LY75: variants seen among roughly 807,000 people sequenced by gnomAD.
LY75 encodes C-type lectin domain family 13 member B.
A neutral mutation model predicts 231.7 loss-of-function variants in LY75; 185 were observed. The ratio of observed to expected loss-of-function variants is 0.80; its 90% CI spans 0.71 to 0.90. The LOEUF (loss-of-function observed/expected upper bound fraction) is 0.90, where lower values mean the gene tolerates loss of function less well. Among genes scored for constraint, LY75 ranks in the 40% least tolerant of loss-of-function variants. The pLI, the probability that LY75 is intolerant of heterozygous loss-of-function variation, is 0.00. For synonymous variants in LY75, 668 were observed against 689.0 expected (o/e 0.97, Z 0.48); for missense variants, 1,947 against 2,050.2 (o/e 0.95, Z 0.97).
rs1560072397 is a variant in LY75 at position 159,834,136 on chromosome 2, G to T, written c.3749C>A (p.Pro1250Gln). 6.2e-7 allele frequency: 1 copy of T among 1,613,982 alleles called. No homozygotes were observed. Among genetic ancestry groups the T allele is most frequent in the Non-Finnish European group, 8.5e-7 (1 of 1,179,942 alleles). ...PSPVLNTPWI[P>Q]FQNCCYNFII... ...GAAATTGTAGCAACAGTTCTGAAAT[G>T]GTATCCACGGAGTATTTAGAACAGG... Residue 1250 changes from proline (P) to glutamine (Q), a missense_variant, in exon 27 of 35, where the codon CCA (proline) becomes CAA (glutamine). Transcript: ENST00000263636.
Position 159,804,978 on chromosome 2 carries a change from T to C in LY75, c.*66A>G. On this transcript the variant is annotated 3_prime_UTR_variant, in exon 35 of 35. Transcript: ENST00000263636. Reference sequence around the variant, plus strand: ...TTTGGAGCAGAGTAAATACTGACACTGGGACATTTTAAGTGACTAATTTCT... The same window carrying C: ...TTTGGAGCAGAGTAAATACTGACACCGGGACATTTTAAGTGACTAATTTCT... 2 of 1,294,850 alleles carry C rather than the reference T, an allele frequency of 1.5e-6. No individual in the cohort carries two copies. The highest frequency in any genetic ancestry group is 2.2e-6 in the Non-Finnish European group (2 of 908,268). 80.2% of individuals were successfully genotyped at this position (1,294,850 alleles called of 1,614,324 possible).
chr2:159,877,981 G>C (rs760640913), intron 11 of LY75, among the ~76,000 whole-genome samples: 3 of 152,210 alleles, frequency 2.0e-5, no homozygotes, highest in Non-Finnish European at 4.4e-5. Context: ...AGGTTAAGAA[G>C]CAGAGAGATG....
At chr2:159,855,819 A>C (rs1370900407) in intron 16 of LY75, among the ~76,000 whole-genome samples, 2 of 152,210 alleles carry the variant, frequency 1.3e-5, no homozygotes, top group African/African-American at 4.8e-5. Flanking sequence ...CACTGGCTTC[A>C]AGTCAAAGAC....
chr2:159,874,269 A>ATGTTT (rs1685130957), intron 12 of LY75, among the ~76,000 whole-genome samples: 20 of 48,954 alleles, frequency 4.1e-4, no homozygotes, highest in African/African-American at 9.0e-4. Flanking sequence ...TTGTAAATAT[A>ATGTTT]TATAAATATA....
intron 1 of LY75, among the ~76,000 whole-genome samples, chr2:159,901,232 C>T (rs1411910172): frequency 2.0e-5 from 3 of 152,184 alleles, no homozygotes; most frequent in African/African-American, 7.2e-5. Context: ...GGAAAATGTG[C>T]TATAAGATTA....
rs367833419 is a variant in LY75 at position 159,805,189 on chromosome 2, G to A, written c.5024C>T (p.Ala1675Val). 1.2e-6 allele frequency: 2 copies of A among 1,614,082 alleles called. No individual in the cohort carries two copies. Among genetic ancestry groups the A allele is most frequent in the Non-Finnish European group, 1.7e-6 (2 of 1,179,970 alleles). The stretch of plus-strand genomic sequence containing the variant: ...CATGAGAACTAAGATACTTAGTGTG[G>A]CAACTATGATAGCTATTGCTGTGTA... The part of the protein sequence containing the change: ...PDYTAIAIIV[A>V]TLSILVLMGG... The change falls in exon 35 of 35, where the codon GCC becomes GTC. Residue 1675 changes from alanine to valine, a missense_variant. Ala to Val is a moderately conservative substitution (Grantham distance 64). Coordinates refer to ENST00000263636, the MANE Select transcript of LY75 (RefSeq NM_002349.4).
At chr2:159,810,060 G>A (rs527672377) in intron 32 of LY75, among the ~76,000 whole-genome samples, 2 of 151,634 alleles carry the variant, frequency 1.3e-5, no homozygotes, top group Non-Finnish European at 2.9e-5. Context: ...TTGAGATAGA[G>A]TCTTGCTCTG....
rs2125867194 is a variant in LY75, at chr2:159,871,514, C to T, written c.2117+937G>A. ...TTTAAGGATTTTTATTAGAATTTCA[C>T]AATTTTGTAGTATTTTGTGGCCCCT... On this transcript the variant is annotated intron_variant, in intron 13 of 34. Coordinates refer to ENST00000263636, the MANE Select transcript of LY75 (RefSeq NM_002349.4). Among the ~76,000 whole-genome samples the T allele has an allele frequency of 1.3e-5, 2 of 152,158 alleles. 1 individual carries two copies. Among genetic ancestry groups the T allele is most frequent in the South Asian group, 4.2e-4 (2 of 4,814 alleles).
intron 1 of LY75, among the ~76,000 whole-genome samples, chr2:159,900,903 A>G (rs944270956): frequency 2.0e-5 from 3 of 152,072 alleles, no homozygotes; most frequent in African/African-American, 7.2e-5. Flanking sequence ...CAGTGGCACA[A>G]TCTCAGCTAA....
At chr2:159,866,004 C>T (rs2667029) in intron 13 of LY75, among the ~76,000 whole-genome samples, 5,241 of 152,140 alleles carry the variant, frequency 0.034, 256 homozygotes, top group East Asian at 0.16. Flanking sequence ...CACTTTTAGG[C>T]GACCAATAAT....
rs546260007 is a variant in LY75, at chr2:159,880,970, T to G, written c.1404+113A>C. On this transcript the variant is annotated intron_variant, in intron 8 of 34. Transcript: ENST00000263636. Reference sequence around the variant, plus strand: ...CGTGGCTCTGTACCCTGATCCAGAGTGCTCTTACCTTTTATTTTCCAGCTT... The same window carrying G: ...CGTGGCTCTGTACCCTGATCCAGAGGGCTCTTACCTTTTATTTTCCAGCTT... 714 of 1,311,582 alleles carry G rather than the reference T, an allele frequency of 5.4e-4. 6 individuals carry two copies. The South Asian group carries it at 8.9e-3, about 16-fold the overall frequency. 81.2% of individuals were successfully genotyped at this position (1,311,582 alleles called of 1,614,324 possible).
chr2:159,806,860 T>C (rs1682808843), intron 34 of LY75, 113 bp downstream of exon 34: 2 of 1,311,500 alleles, frequency 1.5e-6, no homozygotes, highest in Admixed American at 5.4e-5. Context: ...TTGGATATAC[T>C]TTAAGGACTA....
chr2:159,872,321 C>G lies in LY75; in HGVS notation c.2117+130G>C, dbSNP rs1043980529. ...TTAATGTTCCATGACTGCTAAGCAC[C>G]AAATGACCTTTTAGATAATAAAACA... On this transcript the variant is annotated intron_variant, in intron 13 of 34. Transcript: ENST00000263636. 13 of 1,223,552 alleles carry G rather than the reference C, an allele frequency of 1.1e-5. No homozygotes were observed. The South Asian group carries it at 2.1e-4, about 19-fold the overall frequency. The allele number at this position is 1,223,552 out of a possible 1,614,324, so 75.8% of individuals were successfully genotyped here.
At chr2:159,806,838 TAATC>T in intron 34 of LY75, 131 bp downstream of exon 34, 1 of 1,068,618 alleles carries the variant, frequency 9.4e-7, no homozygotes, top group South Asian at 2.5e-5. Context: ...CTCTATGACT[TAATC>T]AAGATAGTTG....
At chr2:159,848,081 T>TACACAC (rs1185752488) in intron 23 of LY75, among the ~76,000 whole-genome samples, 1 of 31,784 alleles carries the variant, frequency 3.1e-5, no homozygotes, top group African/African-American at 1.3e-4. Flanking sequence ...TATATATATA[T>TACACAC]ATATATATAT....
chr2:159,809,908 C>T (rs1276037567), intron 32 of LY75, among the ~76,000 whole-genome samples: 1 of 152,100 alleles, frequency 6.6e-6, no homozygotes, highest in Non-Finnish European at 1.5e-5. Flanking sequence ...TAATGGCTAA[C>T]CTCAAGTGAT....
intron 32 of LY75, among the ~76,000 whole-genome samples, chr2:159,808,960 T>G (rs1682872186): frequency 6.6e-6 from 1 of 152,218 alleles, no homozygotes; most frequent in Non-Finnish European, 1.5e-5. Flanking sequence ...CTCCAAGTCT[T>G]AAGTGCTTAA....
chr2:159,836,680 A>G (rs1259696788), intron 25 of LY75, among the ~76,000 whole-genome samples: 1 of 152,218 alleles, frequency 6.6e-6, no homozygotes, highest in Non-Finnish European at 1.5e-5. Context: ...TCAAGCCTCA[A>G]CACCACTCGC....
At chr2:159,838,975 T>C (rs773830423) in intron 25 of LY75, among the ~76,000 whole-genome samples, 8 of 152,034 alleles carry the variant, frequency 5.3e-5, no homozygotes, top group Non-Finnish European at 7.4e-5. Flanking sequence ...TTTGTATTTT[T>C]AGTAGAGACA....
Sources: gnomAD v4.1 joint callset for allele counts (sites outside exome capture counted in the v4.1 genomes callset) on GRCh38, gnomAD v4.1.1 for gene constraint, MANE v1.5 for transcripts, NCBI Gene and HGNC (gene_info 2026-07-23, HGNC 2026-07-21) for gene names.